Variants in CLIP4 observed in about 807,000 individuals in gnomAD.
The protein encoded by CLIP4 is CAP-Gly domain-containing linker protein 4.
A neutral mutation model predicts 73.1 loss-of-function variants in CLIP4; 47 were observed. The ratio of observed to expected loss-of-function variants is 0.64; its 90% CI spans 0.51 to 0.82. CLIP4 has a LOEUF of 0.82. CLIP4 is among the 40% of genes least tolerant of loss of function. CLIP4 has a pLI of 0.00. For missense variants in CLIP4, 874 were observed against 852.9 expected (o/e 1.02, Z -0.31); for synonymous variants, 306 against 295.4 (o/e 1.04, Z -0.37).
chr2:29,122,954 C>T (rs1664367968), intron 2 of CLIP4, among the ~76,000 whole-genome samples: 1 of 151,858 alleles, frequency 6.6e-6, no homozygotes, highest in African/African-American at 2.4e-5. Context: ...GTCAGATAAC[C>T]ATTTAACCTC....
chr2:29,166,932 T>G (rs1667661458), intron 13 of CLIP4, among the ~76,000 whole-genome samples: 1 of 152,178 alleles, frequency 6.6e-6, no homozygotes, highest in Admixed American at 6.5e-5. Context: ...ATTGACTTTT[T>G]AAAGATAAAG....
At chr2:29,099,249 G>A (rs571916802) in intron 1 of CLIP4, among the ~76,000 whole-genome samples, 80 of 152,216 alleles carry the variant, frequency 5.3e-4, no homozygotes, top group African/African-American at 1.9e-3. Context: ...TATGCCTTTG[G>A]TGTTGTATCT....
Position 29,102,260 on chromosome 2 carries a change from C to T in CLIP4, c.-16+4313C>T, listed in dbSNP as rs568846770. 5.9e-5 allele frequency among the ~76,000 whole-genome samples: 9 copies of T among 152,226 alleles called. No individual in the cohort carries two copies. The South Asian group carries it at 1.7e-3, about 28-fold the overall frequency. ...GTCTTAGTTAACTTATCTCAACAGG[C>T]GTCTCTAGATTTACATGGAATTGCT... On this transcript the variant is annotated intron_variant, in intron 1 of 14. Transcript: ENST00000401605.
At chr2:29,144,857 C>T (rs1666040228) in intron 7 of CLIP4, among the ~76,000 whole-genome samples, 1 of 129,430 alleles carries the variant, frequency 7.7e-6, no homozygotes, top group Non-Finnish European at 1.5e-5. Flanking sequence ...GGCTGGAGTG[C>T]AGTGGCACAG....
intron 2 of CLIP4, among the ~76,000 whole-genome samples, chr2:29,122,516 A>G (rs898911211): frequency 6.6e-6 from 1 of 152,064 alleles, no homozygotes. Context: ...GAGAACAATC[A>G]TTTTATTTTT....
intron 1 of CLIP4, among the ~76,000 whole-genome samples, chr2:29,104,368 T>G (rs1478151324): frequency 6.6e-6 from 1 of 152,126 alleles, no homozygotes. Flanking sequence ...CTCCACCTCC[T>G]GGGCTCAAGT....
chr2:29,178,434 G>T (rs1324996854), intron 15 of CLIP4, among the ~76,000 whole-genome samples: 2 of 152,076 alleles, frequency 1.3e-5, no homozygotes, highest in Non-Finnish European at 2.9e-5. Context: ...ACCTGCCTCA[G>T]CCTCCCAAAA....
intron 13 of CLIP4, among the ~76,000 whole-genome samples, chr2:29,166,520 T>G (rs1195966551): frequency 8.2e-6 from 1 of 121,632 alleles, no homozygotes; most frequent in Non-Finnish European, 1.8e-5. Context: ...GTTAATCACA[T>G]ACACACACAG....
intron 2 of CLIP4, among the ~76,000 whole-genome samples, chr2:29,126,509 A>G (rs1032294321): frequency 1.3e-5 from 2 of 152,242 alleles, no homozygotes; most frequent in African/African-American, 4.8e-5. Flanking sequence ...TAATATACAC[A>G]AAGTTCATAG....
intron 14 of CLIP4, 68 bp from the exon 15 acceptor site, chr2:29,174,305 A>G (rs1668193571): frequency 7.8e-7 from 1 of 1,276,000 alleles, no homozygotes; most frequent in East Asian, 2.3e-5. Context: ...AGAAGTGATA[A>G]AATATCATTT....
chr2:29,178,266 G>C (rs1668457700), intron 15 of CLIP4, among the ~76,000 whole-genome samples: 1 of 151,372 alleles, frequency 6.6e-6, no homozygotes, highest in Admixed American at 6.6e-5. Flanking sequence ...TGCAACCTCT[G>C]CCTCCTGGGT....
At chr2:29,106,875 T>C (rs1294108388) in intron 1 of CLIP4, among the ~76,000 whole-genome samples, 1 of 152,190 alleles carries the variant, frequency 6.6e-6, no homozygotes, top group Non-Finnish European at 1.5e-5. Context: ...AATAGCTTAT[T>C]CTTCTTGTGT....
chr2:29,102,714 C>T (rs1184791275), intron 1 of CLIP4, among the ~76,000 whole-genome samples: 2 of 152,134 alleles, frequency 1.3e-5, no homozygotes, highest in Non-Finnish European at 2.9e-5. Context: ...CAATCTCCGC[C>T]TCCCAGGTTC....
At chr2:29,155,217 G>A (rs945925431) in intron 9 of CLIP4, among the ~76,000 whole-genome samples, 3 of 152,176 alleles carry the variant, frequency 2.0e-5, no homozygotes, top group African/African-American at 7.2e-5. Context: ...AGGATCACTT[G>A]AGTCCAGGAG....
Position 29,157,348 on chromosome 2 carries a change from G to C in CLIP4, c.1399+1G>C. On this transcript the variant is annotated splice_donor_variant, in intron 11 of 15. Coordinates refer to ENST00000320081, the MANE Select transcript of CLIP4 (RefSeq NM_024692.6). LOFTEE classifies it high-confidence loss of function. ...TCCCTTTCATCCAGAGCCAGTGCTG[G>C]TATCTATGGCTTTTTCAACCAGGCT... The C allele has an allele frequency of 6.2e-7, 1 of 1,613,968 alleles. No homozygotes were observed. Among genetic ancestry groups the C allele is most frequent in the Non-Finnish European group, 8.5e-7 (1 of 1,179,880 alleles).
intron 2 of CLIP4, among the ~76,000 whole-genome samples, chr2:29,129,498 A>G (rs2148482105): frequency 6.6e-6 from 1 of 152,004 alleles, no homozygotes; most frequent in South Asian, 2.1e-4. Context: ...TTCATTTCCA[A>G]ATTTTAGCCA....
rs150947097 is a variant in CLIP4 at position 29,148,535 on chromosome 2, C to T, written c.1021+3168C>T. On this transcript the variant is annotated intron_variant, in intron 8 of 15. Coordinates refer to ENST00000320081, the MANE Select transcript of CLIP4 (RefSeq NM_024692.6). ...CTTAGTTTACTCAAGTCAGATTGTACGGCAAGGCTTATTACAAAACTGTCT... is the reference window on the plus strand; with the variant it reads ...CTTAGTTTACTCAAGTCAGATTGTATGGCAAGGCTTATTACAAAACTGTCT... 2.8e-4 allele frequency among the ~76,000 whole-genome samples: 42 copies of T among 152,288 alleles called. 1 individual carries two copies. Among genetic ancestry groups the T allele is most frequent in the African/African-American group, 8.2e-4 (34 of 41,552 alleles).
At chr2:29,148,407 C>T (rs1287492529) in intron 8 of CLIP4, among the ~76,000 whole-genome samples, 3 of 152,146 alleles carry the variant, frequency 2.0e-5, no homozygotes, top group Non-Finnish European at 4.4e-5. Flanking sequence ...TGTTAATTCT[C>T]ATACCTATTA....
intron 4 of CLIP4, 67 bp from the exon 5 acceptor site, chr2:29,133,588 A>G (rs1465012491): frequency 2.0e-6 from 3 of 1,484,426 alleles, no homozygotes; most frequent in East Asian, 4.6e-5. Flanking sequence ...AAATGAGGCA[A>G]TTGGTAGCCA....
Sources: allele counts gnomAD v4.1 joint callset (sites outside exome capture counted in the v4.1 genomes callset), GRCh38; gene constraint gnomAD v4.1.1; transcripts MANE v1.5; gene names NCBI Gene and HGNC (gene_info 2026-07-23, HGNC 2026-07-21).